Variants in CHODL observed in about 807,000 individuals in gnomAD.
The protein encoded by CHODL is chondrolectin, also known as transmembrane protein MT75.
A neutral mutation model predicts 34.5 loss-of-function variants in CHODL; 29 were observed. That is an observed-to-expected ratio of 0.84 (90% CI 0.63 to 1.15). CHODL has a LOEUF of 1.15. CHODL is among the 50% of genes most tolerant of loss of function. CHODL has a pLI of 0.00. For missense variants in CHODL, 332 were observed against 332.5 expected (o/e 1.00, Z 0.01); for synonymous variants, 125 against 116.1 (o/e 1.08, Z -0.49).
At chr21:18,249,021 C>G (rs1183062873) in intron 1 of CHODL, among the ~76,000 whole-genome samples, 3 of 104,280 alleles carry the variant, frequency 2.9e-5, no homozygotes, top group African/African-American at 1.5e-4. Context: ...ATATATTATA[C>G]ATAATATTAA....
intron 2 of CHODL, among the ~76,000 whole-genome samples, chr21:18,194,256 A>G (rs906539417): frequency 1.3e-5 from 2 of 152,146 alleles, no homozygotes; most frequent in African/African-American, 2.4e-5. Flanking sequence ...AGATTCTTCA[A>G]TGGTTTCCAA....
At chr21:18,223,530 G>T (rs1368546109) in intron 2 of CHODL, among the ~76,000 whole-genome samples, 1 of 152,024 alleles carries the variant, frequency 6.6e-6, no homozygotes, top group Non-Finnish European at 1.5e-5. Flanking sequence ...TCTTTTGAAG[G>T]GTCAGACTGC....
At chr21:18,164,415 C>G (rs560104275) in intron 2 of CHODL, among the ~76,000 whole-genome samples, 2 of 152,288 alleles carry the variant, frequency 1.3e-5, no homozygotes, top group East Asian at 3.9e-4. Context: ...GGGTTCTGTT[C>G]TAGACAACTT....
chr21:18,107,051 C>G (rs2065282155), intron 2 of CHODL, among the ~76,000 whole-genome samples: 1 of 152,192 alleles, frequency 6.6e-6, no homozygotes, highest in South Asian at 2.1e-4. Context: ...CTGGAGAACC[C>G]TCTCCCTAAT....
intron 2 of CHODL, among the ~76,000 whole-genome samples, chr21:18,056,145 T>G (rs1246808492): frequency 1.3e-5 from 2 of 152,044 alleles, no homozygotes; most frequent in African/African-American, 4.8e-5. Context: ...TTGTTTTTAT[T>G]CAATCTCATA....
intron 3 of CHODL, among the ~76,000 whole-genome samples, chr21:18,258,566 A>G (rs1601220549): frequency 6.6e-6 from 1 of 152,068 alleles, no homozygotes; most frequent in Admixed American, 6.6e-5. Flanking sequence ...TGTATTAGGT[A>G]ATCTAGGTTT....
intron 2 of CHODL, among the ~76,000 whole-genome samples, chr21:18,041,403 G>T (rs1436386167): frequency 1.3e-5 from 2 of 151,726 alleles, no homozygotes; most frequent in East Asian, 1.9e-4. Flanking sequence ...AATTAAAAAT[G>T]ACTTAAAGCA....
chr21:18,132,943 T>G (rs1012873889), intron 2 of CHODL, among the ~76,000 whole-genome samples: 1 of 152,188 alleles, frequency 6.6e-6, no homozygotes, highest in African/African-American at 2.4e-5. Flanking sequence ...TTTTTGCTAC[T>G]GCTTTCTTAC....
Position 18,165,496 on chromosome 21 carries a change from C to G in CHODL, c.-44-91013C>G, listed in dbSNP as rs1011209463. On this transcript the variant is annotated intron_variant, in intron 2 of 6. Transcript: ENST00000400127. The stretch of plus-strand genomic sequence containing the variant: ...AATAATATTTATTTGGCTCACAAAT[C>G]TGCAATTTGAGCAGCAGTTGGTAAG... Among the ~76,000 whole-genome samples, 9 of 152,186 alleles carry G rather than the reference C, an allele frequency of 5.9e-5. No homozygotes were observed. The East Asian group carries it at 1.7e-3, about 29-fold the overall frequency.
At chr21:18,225,908 T>C (rs2073927006) in intron 2 of CHODL, among the ~76,000 whole-genome samples, 1 of 152,122 alleles carries the variant, frequency 6.6e-6, no homozygotes, top group Non-Finnish European at 1.5e-5. Context: ...ATAAACCTCT[T>C]AAAATATGAA....
intron 2 of CHODL, among the ~76,000 whole-genome samples, chr21:18,127,327 C>T (rs978299915): frequency 2.6e-5 from 4 of 151,928 alleles, no homozygotes; most frequent in Admixed American, 6.6e-5. Context: ...TGTCTATATA[C>T]ATATGAATAA....
intron 1 of CHODL, among the ~76,000 whole-genome samples, chr21:17,922,608 A>T (rs1258258989): frequency 6.6e-6 from 1 of 152,220 alleles, no homozygotes; most frequent in Non-Finnish European, 1.5e-5. Flanking sequence ...ATGTAGTGTG[A>T]TAGTATTACT....
At chr21:18,171,385 T>G (rs972386582) in intron 2 of CHODL, among the ~76,000 whole-genome samples, 6 of 149,450 alleles carry the variant, frequency 4.0e-5, no homozygotes, top group Non-Finnish European at 8.9e-5. Context: ...TTTTTGTATT[T>G]TTAGTAGAGA....
chr21:17,919,555 C>T lies in CHODL; in HGVS notation c.-145+2155C>T, dbSNP rs139094927. 8.1e-3 allele frequency among the ~76,000 whole-genome samples: 1,228 copies of T among 152,168 alleles called. 19 individuals are homozygous for T. The highest frequency in any genetic ancestry group is 0.027 in the African/African-American group (1,129 of 41,508). The stretch of plus-strand genomic sequence containing the variant: ...GCAGAGGGACCCTAGGTCTGGCCCA[C>T]GAAACCATTTTTTCCTCCTAAATCT... On this transcript the variant is annotated intron_variant, in intron 1 of 6. Transcript: ENST00000400127.
intron 2 of CHODL, among the ~76,000 whole-genome samples, chr21:18,224,144 T>G (rs2073909580): frequency 6.6e-6 from 1 of 152,182 alleles, no homozygotes; most frequent in South Asian, 2.1e-4. Context: ...AGTCTGGAGC[T>G]CTGTCATAAG....
intron 2 of CHODL, among the ~76,000 whole-genome samples, chr21:18,039,636 A>G (rs1297013270): frequency 6.6e-6 from 1 of 151,656 alleles, no homozygotes; most frequent in Non-Finnish European, 1.5e-5. Context: ...CTTTGACAAT[A>G]TGGCTTCTGG....
intron 2 of CHODL, among the ~76,000 whole-genome samples, chr21:18,215,752 G>A (rs1253851989): frequency 6.6e-6 from 1 of 152,088 alleles, no homozygotes; most frequent in Non-Finnish European, 1.5e-5. Flanking sequence ...CTGGAATTTG[G>A]AGCCCTAACT....
chr21:17,974,404 C>G (rs2063644626), intron 1 of CHODL, among the ~76,000 whole-genome samples: 1 of 151,982 alleles, frequency 6.6e-6, no homozygotes. Context: ...TCCCAAGTAG[C>G]TGGGATTACA....
At chr21:18,095,301 A>G (rs541581708) in intron 2 of CHODL, among the ~76,000 whole-genome samples, 21 of 152,246 alleles carry the variant, frequency 1.4e-4, no homozygotes, top group African/African-American at 4.6e-4. Context: ...CAAATATATA[A>G]AATCAGAGAT....
Sources: allele counts gnomAD v4.1 joint callset (sites outside exome capture counted in the v4.1 genomes callset), GRCh38; gene constraint gnomAD v4.1.1; transcripts MANE v1.5; gene names NCBI Gene and HGNC (gene_info 2026-07-23, HGNC 2026-07-21).